SEC22B: variants seen among roughly 807,000 people sequenced by gnomAD.
SEC22B encodes SEC22 homolog B, vesicle trafficking protein.
In SEC22B, 10 loss-of-function variants were observed where a neutral mutation model predicts 31.4. The ratio of observed to expected loss-of-function variants is 0.32; its 90% CI spans 0.20 to 0.54. The LOEUF (loss-of-function observed/expected upper bound fraction) is 0.54, where lower values mean the gene tolerates loss of function less well. SEC22B is among the 20% of genes least tolerant of loss of function. SEC22B has a pLI of 0.94. For missense variants in SEC22B, 130 were observed against 263.4 expected, an observed-to-expected ratio of 0.49 and a Z score of 3.50; for synonymous variants, 60 against 95.9, an observed-to-expected ratio of 0.63 and a Z score of 2.19.
chr1:120,162,099 C>G (rs1396447063), intron 3 of SEC22B, among the ~76,000 whole-genome samples: 1 of 131,470 alleles, frequency 7.6e-6, no homozygotes, highest in South Asian at 2.7e-4. Flanking sequence ...ACGCTCCTCT[C>G]AAGTTGGCCT....
Position 120,151,224 on chromosome 1 carries a change from T to C in SEC22B, c.*5814A>G, listed in dbSNP as rs1285639131. 3 of 152,098 alleles carry C rather than the reference T, an allele frequency of 2.0e-5. No homozygotes were observed. The highest frequency in any genetic ancestry group is 2.9e-5 in the Non-Finnish European group (2 of 68,014). 9.4% of individuals were successfully genotyped at this position (152,098 alleles called of 1,614,324 possible). ...CAAGGCACAAGGTAAAATGTTTGACTGGTTAGAGACGCTAGATTATTTTGT... is the reference window on the plus strand; with the variant it reads ...CAAGGCACAAGGTAAAATGTTTGACCGGTTAGAGACGCTAGATTATTTTGT... On this transcript the variant is annotated 3_prime_UTR_variant, in exon 5 of 5. Transcript: ENST00000578049.
chr1:120,159,736 T>C (rs1371799420), intron 4 of SEC22B, among the ~76,000 whole-genome samples: 4 of 152,242 alleles, frequency 2.6e-5, no homozygotes, highest in African/African-American at 4.8e-5. Flanking sequence ...ACAGTTCTTA[T>C]GGAGGTCTTA....
chr1:120,163,229 G>C lies in SEC22B; in HGVS notation c.327C>G (p.Pro109=), dbSNP rs1474703853. Residue 109 remains proline, a synonymous_variant, in exon 3 of 5, where the codon CCC becomes CCG. Transcript: ENST00000578049. ...ACTTACCAAATTCAATAAAGGAATA[G>C]GGTCGGGACACAGTGGGCACCTTCT... The part of the protein sequence containing the change: ...HGKKVPTVSR[P]YSFIEFDTFI... 3.2e-6 allele frequency: 5 copies of C among 1,550,124 alleles called. No individual in the cohort carries two copies. Among genetic ancestry groups the C allele is most frequent in the Non-Finnish European group, 3.5e-6 (4 of 1,141,974 alleles).
intron 2 of SEC22B, among the ~76,000 whole-genome samples, chr1:120,165,106 G>T (rs1354521550): frequency 6.6e-6 from 1 of 151,924 alleles, no homozygotes; most frequent in Admixed American, 6.6e-5. Context: ...GTTGTTTTTT[G>T]CTTAATACTT....
intron 2 of SEC22B, among the ~76,000 whole-genome samples, chr1:120,163,659 T>A (rs1657756025): frequency 6.6e-6 from 1 of 150,744 alleles, no homozygotes; most frequent in Non-Finnish European, 1.5e-5. Flanking sequence ...CACTGCAACC[T>A]CCGCCTCCCG....
Position 120,155,715 on chromosome 1 carries a change from T to G in SEC22B, c.*1323A>C, listed in dbSNP as rs1259634920. The G allele has an allele frequency of 8.6e-5, 13 of 151,982 alleles. No individual in the cohort carries two copies. Among genetic ancestry groups the G allele is most frequent in the African/African-American group, 3.1e-4 (13 of 41,384 alleles). The allele number at this position is 151,982 out of a possible 1,614,324, so 9.4% of individuals were successfully genotyped here. ...AATATTTGCAGTATGTACAGGAATT[T>G]TAAGTTATATTGCAGACCCTGGCAA... On this transcript the variant is annotated 3_prime_UTR_variant, in exon 5 of 5. Coordinates refer to ENST00000578049, the MANE Select transcript of SEC22B (RefSeq NM_004892.6).
intron 3 of SEC22B, among the ~76,000 whole-genome samples, chr1:120,160,910 A>AC (rs1285901185): frequency 0.024 from 3,546 of 150,376 alleles, 49 homozygotes; most frequent in African/African-American, 0.043. Flanking sequence ...AAAAAAAAAA[A>AC]CCAAAACAGT....
intron 2 of SEC22B, among the ~76,000 whole-genome samples, chr1:120,165,081 C>G (rs1235321433): frequency 6.6e-6 from 1 of 152,082 alleles, no homozygotes; most frequent in Non-Finnish European, 1.5e-5. Context: ...GTCTTTTGTC[C>G]ATTTTTTAAA....
intron 4 of SEC22B, chr1:120,159,279 A>T (rs1466708311): frequency 6.6e-6 from 1 of 151,270 alleles, no homozygotes; most frequent in African/African-American, 2.4e-5. Context: ...AAAATACAAA[A>T]ATTAGCCAGG....
At chr1:120,157,270 G>A in intron 4 of SEC22B, 78 bp from the exon 5 acceptor site, 1 of 1,068,254 alleles carries the variant, frequency 9.4e-7, no homozygotes, top group Non-Finnish European at 1.3e-6. Context: ...AAACCAAAAT[G>A]AGCAGCACTG....
chr1:120,168,039 T>C (rs1657840539), intron 2 of SEC22B, among the ~76,000 whole-genome samples: 4 of 147,846 alleles, frequency 2.7e-5, no homozygotes, highest in South Asian at 4.3e-4. Flanking sequence ...TTGTCTTTTA[T>C]AGGTAGAGAA....
chr1:120,161,506 CA>C (rs1461771038), intron 3 of SEC22B, among the ~76,000 whole-genome samples: 5 of 152,108 alleles, frequency 3.3e-5, no homozygotes, highest in African/African-American at 1.2e-4. Flanking sequence ...CCAGCCTGGC[CA>C]ACAAGGCAAA....
At chr1:120,162,918 G>A (rs1485628591) in intron 3 of SEC22B, among the ~76,000 whole-genome samples, 4 of 152,090 alleles carry the variant, frequency 2.6e-5, no homozygotes, top group African/African-American at 9.7e-5. Flanking sequence ...AGATCTTTAG[G>A]CACAGTTCCT....
At chr1:120,159,533 T>C (rs1213568271) in intron 4 of SEC22B, 1 of 148,580 alleles carries the variant, frequency 6.7e-6, no homozygotes, top group Non-Finnish European at 1.5e-5. Context: ...TGGAAATATA[T>C]TTAATATATA....
chr1:120,165,260 G>C (rs1657788474), intron 2 of SEC22B, among the ~76,000 whole-genome samples: 4 of 152,020 alleles, frequency 2.6e-5, no homozygotes. Flanking sequence ...GAAATGTAAG[G>C]TTAATGACAT....
At chr1:120,168,600 G>C (rs1657848284) in intron 2 of SEC22B, among the ~76,000 whole-genome samples, 2 of 150,750 alleles carry the variant, frequency 1.3e-5, no homozygotes, top group East Asian at 3.9e-4. Flanking sequence ...AAAGCAAGAA[G>C]TTATCTATTA....
In SEC22B at chr1:120,174,223, T is replaced by C. The variant is rs1657926349; in HGVS notation, c.75+2084A>G. Among the ~76,000 whole-genome samples the C allele has an allele frequency of 2.0e-5, 3 of 152,406 alleles. No homozygotes were observed. The South Asian group carries it at 6.2e-4, about 32-fold the overall frequency. ...CCTTATCTATTATTGGAGATTTTAATAGTACCTGTTCTAATATGGTAGTAT... is the reference window on the plus strand; with the variant it reads ...CCTTATCTATTATTGGAGATTTTAACAGTACCTGTTCTAATATGGTAGTAT... On this transcript the variant is annotated intron_variant, in intron 1 of 4. Coordinates refer to ENST00000578049, the MANE Select transcript of SEC22B (RefSeq NM_004892.6).
chr1:120,167,377 G>A (rs1172822836), intron 2 of SEC22B, among the ~76,000 whole-genome samples: 4 of 151,802 alleles, frequency 2.6e-5, no homozygotes, highest in Admixed American at 6.6e-5. Flanking sequence ...ACATATTTGT[G>A]GACTTCTGCT....
rs1454235251 is a variant in SEC22B, at chr1:120,164,605, T to A, written c.186-1235A>T. The stretch of plus-strand genomic sequence containing the variant: ...TTGCTGCAAAGGACATGATTTCATT[T>A]CTTTTTATGACTGCATAGTATTCCA... On this transcript the variant is annotated intron_variant, in intron 2 of 4. Coordinates refer to ENST00000578049, the MANE Select transcript of SEC22B (RefSeq NM_004892.6). 1.0e-3 allele frequency among the ~76,000 whole-genome samples: 159 copies of A among 152,394 alleles called. 3 individuals carry two copies. Among genetic ancestry groups the A allele is most frequent in the African/African-American group, 3.8e-3 (156 of 41,594 alleles).
Sources: allele counts gnomAD v4.1 joint callset (sites outside exome capture counted in the v4.1 genomes callset), GRCh38; gene constraint gnomAD v4.1.1; transcripts MANE v1.5; gene names NCBI Gene and HGNC (gene_info 2026-07-23, HGNC 2026-07-21).